The following STAT5B variants were observed in gnomAD, a reference collection of about 807,000 sequenced individuals.
STAT5B encodes signal transducer and activator of transcription 5B.
In STAT5B, 21 loss-of-function variants were observed where a neutral mutation model predicts 107.8. That is an observed-to-expected ratio of 0.19 (90% CI 0.14 to 0.28). The LOEUF is 0.28. Ranked by LOEUF, STAT5B falls within the 10% of genes least tolerant of loss-of-function variation. The pLI is 1.00. For synonymous variants in STAT5B, 325 were observed against 401.7 expected, an observed-to-expected ratio of 0.81 and a Z score of 2.28; for missense variants, 565 against 1,008.2, an observed-to-expected ratio of 0.56 and a Z score of 5.95.
chr17:42,215,931 G>A, intron 12 of STAT5B, 83 bp downstream of exon 12: 1 of 1,481,776 alleles, frequency 6.7e-7, no homozygotes, highest in South Asian at 1.2e-5. Flanking sequence ...CTTTTCCTAT[G>A]CTTTTTAAAA....
intron 8 of STAT5B, 77 bp downstream of exon 8, chr17:42,218,646 G>A: frequency 6.2e-7 from 1 of 1,610,550 alleles, no homozygotes; most frequent in Non-Finnish European, 8.5e-7. Context: ...CTGCTGGTCT[G>A]GAAGGCACCT....
At chr17:42,263,927 CAGA>C (rs575193989) in intron 1 of STAT5B, among the ~76,000 whole-genome samples, 118 of 151,330 alleles carry the variant, frequency 7.8e-4, no homozygotes, top group African/African-American at 2.8e-3. Context: ...CTCCACGACC[CAGA>C]AGAAATCTTT....
chr17:42,226,420 T>C (rs1046409652), intron 3 of STAT5B, among the ~76,000 whole-genome samples: 1 of 152,076 alleles, frequency 6.6e-6, no homozygotes, highest in Non-Finnish European at 1.5e-5. Context: ...AAAATGGAAA[T>C]CCAGATGAGT....
rs768971207 is a variant in STAT5B at position 42,202,399 on chromosome 17, C to T, written c.2178G>A (p.Met726Ile). ...ADAGGGSATY[M>I]DQAPSPAVCP... ...ACACAGCTGGGGAGGGGGCCTGGTC[C>T]ATGTACGTGGCGCTGCCGCCCCCGG... Residue 726 changes from methionine to isoleucine, a missense_variant, in exon 18 of 19, where the codon ATG (methionine) becomes ATA (isoleucine). Met to Ile is a conservative substitution (Grantham distance 10). Around this residue, in one of 11 missense-constraint regions of STAT5B, gnomAD observed 76 missense variants for 110.2 expected, o/e 0.69. Transcript: ENST00000293328. 1.9e-6 allele frequency: 3 copies of T among 1,614,250 alleles called. No individual in the cohort carries two copies. Among genetic ancestry groups the T allele is most frequent in the South Asian group, 1.1e-5 (1 of 91,090 alleles).
intron 1 of STAT5B, among the ~76,000 whole-genome samples, chr17:42,265,843 T>G (rs900174609): frequency 6.6e-6 from 1 of 152,178 alleles, no homozygotes; most frequent in Admixed American, 6.5e-5. Flanking sequence ...TTATTTGCAT[T>G]TCTTGATTTC....
At chr17:42,282,976 G>T in the STAT5B span, among the ~76,000 whole-genome samples, 1 of 152,186 alleles carries the variant, frequency 6.6e-6, no homozygotes, top group Non-Finnish European at 1.5e-5. Flanking sequence ...GATGTGGGTA[G>T]ATCTGAGACT....
upstream of STAT5B, among the ~76,000 whole-genome samples, chr17:42,277,126 G>A (rs532958169): frequency 1.1e-4 from 17 of 152,324 alleles, 1 homozygote; most frequent in Middle Eastern, 6.8e-3. Flanking sequence ...GGATCCAGGG[G>A]AAGGGGGTCC....
At chr17:42,212,980 T>C (rs2144227271) in intron 12 of STAT5B, among the ~76,000 whole-genome samples, 1 of 152,344 alleles carries the variant, frequency 6.6e-6, no homozygotes. Context: ...CTTTTCCTTT[T>C]CTTCACAAAT....
intron 15 of STAT5B, among the ~76,000 whole-genome samples, chr17:42,208,902 T>G (rs1381716376): frequency 6.6e-6 from 1 of 151,936 alleles, no homozygotes; most frequent in Non-Finnish European, 1.5e-5. Context: ...CGGCTAATTT[T>G]TTTGTGTTTT....
intron 9 of STAT5B, chr17:42,217,766 G>A (rs1404932885): frequency 1.3e-5 from 6 of 454,134 alleles, no homozygotes; most frequent in Non-Finnish European, 2.4e-5. Context: ...TCAGCTCACT[G>A]CAATCTCAGC....
chr17:42,210,902 A>C (rs2080123028), intron 13 of STAT5B, among the ~76,000 whole-genome samples: 1 of 152,164 alleles, frequency 6.6e-6, no homozygotes, highest in Non-Finnish European at 1.5e-5. Flanking sequence ...CAAAAATTAA[A>C]TTCAAATCAA....
chr17:42,274,456 T>C (rs1160163379), intron 1 of STAT5B, among the ~76,000 whole-genome samples: 1 of 152,152 alleles, frequency 6.6e-6, no homozygotes, highest in Non-Finnish European at 1.5e-5. Context: ...ATACCACAAA[T>C]TGTCACATAG....
rs547731958 is a variant in STAT5B at position 42,251,809 on chromosome 17, C to CCAGCATGGTG, written c.-10-19682_-10-19673dup. On this transcript the variant is annotated intron_variant, in intron 1 of 18. Transcript: ENST00000293328. ...GGTCAGGAGCTCAAGACCAGACTGGCCAGCATGGTGAAACCCCGTCTCTAC... is the reference window on the plus strand; with the variant it reads ...GGTCAGGAGCTCAAGACCAGACTGGCCAGCATGGTGCAGCATGGTGAAACCCCGTCTCTAC... 4.5e-3 allele frequency among the ~76,000 whole-genome samples: 678 copies of CCAGCATGGTG among 151,866 alleles called. 8 individuals are homozygous for CCAGCATGGTG. Among genetic ancestry groups the CCAGCATGGTG allele is most frequent in the Non-Finnish European group, 3.6e-3 (244 of 67,784 alleles).
chr17:42,206,235 G>A (rs1322120995), intron 16 of STAT5B, among the ~76,000 whole-genome samples: 5 of 151,854 alleles, frequency 3.3e-5, no homozygotes, highest in Admixed American at 3.3e-4. Flanking sequence ...AATTACAGGC[G>A]CCCACCACCA....
At chr17:42,223,769 C>T (rs1218603560) in intron 4 of STAT5B, among the ~76,000 whole-genome samples, 2 of 152,148 alleles carry the variant, frequency 1.3e-5, no homozygotes, top group African/African-American at 4.8e-5. Context: ...GATCACAAAG[C>T]ATGGGAGAAG....
intron 5 of STAT5B, among the ~76,000 whole-genome samples, chr17:42,222,213 T>A (rs2080235952): frequency 1.3e-5 from 2 of 151,906 alleles, no homozygotes; most frequent in African/African-American, 4.8e-5. Flanking sequence ...TGTGTGTGTG[T>A]GTTTGGAGGG....
chr17:42,243,953 G>GT (rs1232031537), intron 1 of STAT5B, among the ~76,000 whole-genome samples: 2 of 151,028 alleles, frequency 1.3e-5, no homozygotes, highest in Non-Finnish European at 1.5e-5. Context: ...AGCTACATCT[G>GT]TATCACTTTC....
At chr17:42,208,801 G>A (rs897277736) in intron 15 of STAT5B, among the ~76,000 whole-genome samples, 12 of 151,432 alleles carry the variant, frequency 7.9e-5, no homozygotes, top group Non-Finnish European at 1.2e-4. Flanking sequence ...GCGCGATCTC[G>A]GCTCACTGCA....
At chr17:42,240,620 C>T (rs915460050) in intron 1 of STAT5B, among the ~76,000 whole-genome samples, 6 of 152,038 alleles carry the variant, frequency 3.9e-5, no homozygotes, top group Admixed American at 2.0e-4. Flanking sequence ...TTTTATAGTG[C>T]GTGATTATAT....
Sources: allele counts gnomAD v4.1 joint callset (sites outside exome capture counted in the v4.1 genomes callset), GRCh38; gene constraint gnomAD v4.1.1; regional missense constraint gnomAD v4.1.1; transcripts MANE v1.5; gene names NCBI Gene and HGNC (gene_info 2026-07-23, HGNC 2026-07-21).